The following SYT14 variants were observed in gnomAD, a reference collection of about 807,000 sequenced individuals.
SYT14 encodes the protein synaptotagmin-14.
Under a neutral mutation model 74.2 loss-of-function variants are expected in SYT14, and 32 were observed. The observed-to-expected ratio is 0.43, with a 90% CI of 0.33 to 0.58. SYT14 has a LOEUF of 0.58. SYT14 is among the 20% of genes least tolerant of loss of function. The pLI is 0.05. For synonymous variants in SYT14, 298 were observed against 337.7 expected (o/e 0.88, Z 1.29); for missense variants, 791 against 981.8 (o/e 0.81, Z 2.60).
intron 5 of SYT14, among the ~76,000 whole-genome samples, chr1:210,072,596 T>G (rs2081415443): frequency 1.3e-5 from 2 of 152,028 alleles, no homozygotes. Context: ...GGAGTACACA[T>G]TCATAAAAGA....
chr1:209,986,775 C>T (rs1347230444), intron 2 of SYT14, among the ~76,000 whole-genome samples: 5 of 152,118 alleles, frequency 3.3e-5, no homozygotes, highest in Non-Finnish European at 5.9e-5. Context: ...AGGCATGCGC[C>T]ACCATGCCCG....
rs185110839 is a variant in SYT14, at chr1:210,054,943, A to G, written c.1312+33689A>G. Reference sequence around the variant, plus strand: ...TCCTTAATTGGATTCTTGGGTGCCTATTATAGAGGACACAGTTTGGGGTGG... The same window carrying G: ...TCCTTAATTGGATTCTTGGGTGCCTGTTATAGAGGACACAGTTTGGGGTGG... On this transcript the variant is annotated intron_variant, in intron 5 of 9. Transcript: ENST00000637265. 2.1e-3 allele frequency among the ~76,000 whole-genome samples: 324 copies of G among 152,198 alleles called. 7 individuals are homozygous for G. The highest frequency in any genetic ancestry group is 0.015 in the East Asian group (80 of 5,178).
intron 5 of SYT14, among the ~76,000 whole-genome samples, chr1:210,021,935 G>A (rs548455179): frequency 2.0e-4 from 30 of 152,108 alleles, no homozygotes; most frequent in African/African-American, 6.3e-4. Context: ...ATGTTTTTAC[G>A]TCTTTCTGTG....
At chr1:209,948,331 CACAA>C (rs1230907807) in intron 1 of SYT14, among the ~76,000 whole-genome samples, 4 of 152,198 alleles carry the variant, frequency 2.6e-5, no homozygotes, top group Non-Finnish European at 5.9e-5. Flanking sequence ...TATATTCATA[CACAA>C]ACACACATGC....
chr1:210,100,016 T>A (rs1311650538), exon 7 of SYT14: 3 of 1,613,872 alleles, frequency 1.9e-6, no homozygotes, highest in Non-Finnish European at 2.5e-6. Flanking sequence ...TCTTAGGATA[T>A]GTCAGCTCAA....
chr1:209,980,817 T>C (rs1187836425), intron 2 of SYT14, among the ~76,000 whole-genome samples: 3 of 152,192 alleles, frequency 2.0e-5, no homozygotes, highest in South Asian at 4.1e-4. Context: ...TGTCTGTTCT[T>C]GTACCAGTAC....
At chr1:209,992,369 T>G (rs2079706189) in intron 2 of SYT14, among the ~76,000 whole-genome samples, 2 of 152,186 alleles carry the variant, frequency 1.3e-5, no homozygotes, top group Admixed American at 6.5e-5. Flanking sequence ...AATGAAATCT[T>G]GTCTTTTGCA....
At chr1:210,160,803 G>A (rs1485948974) in exon 10 of SYT14, 1 of 1,613,860 alleles carries the variant, frequency 6.2e-7, no homozygotes, top group Non-Finnish European at 8.5e-7. Context: ...CATCCGCAGA[G>A]GGCAGCCAAA....
At position 210,042,912 on chromosome 1, in the gene SYT14, G is replaced by C. The variant is rs376523526; in HGVS notation, c.1312+21658G>C. The stretch of plus-strand genomic sequence containing the variant: ...AAGAAAGTCAATGATAGCGTGATGA[G>C]GATAGCATTGAATCTATCAATTACT... On this transcript the variant is annotated intron_variant, in intron 5 of 9. Transcript: ENST00000637265. 1.5e-4 allele frequency among the ~76,000 whole-genome samples: 23 copies of C among 152,258 alleles called. No homozygotes were observed. The East Asian group carries it at 3.1e-3, about 20-fold the overall frequency.
Position 210,077,581 on chromosome 1 carries a change from T to C in SYT14, c.1313-16741T>C, listed in dbSNP as rs1006004769. On this transcript the variant is annotated intron_variant, in intron 5 of 9. Transcript: ENST00000637265. ...TACAAAAAATCGTTGTGTGGATACA[T>C]GTTTTTATCTCCTTTGAGTAAATAC... is the stretch of plus-strand genomic sequence containing the variant. Among the ~76,000 whole-genome samples, 5 of 152,224 alleles carry C rather than the reference T, an allele frequency of 3.3e-5. No individual in the cohort carries two copies. The East Asian group carries it at 9.6e-4, about 29-fold the overall frequency.
At chr1:210,132,104 G>A (rs1410095753) in intron 7 of SYT14, among the ~76,000 whole-genome samples, 2 of 151,940 alleles carry the variant, frequency 1.3e-5, no homozygotes, top group African/African-American at 4.8e-5. Context: ...GAAGGTTCTG[G>A]CAGCCCATTC....
intron 5 of SYT14, among the ~76,000 whole-genome samples, chr1:210,093,735 A>G (rs2081919249): frequency 6.6e-6 from 1 of 152,164 alleles, no homozygotes; most frequent in Non-Finnish European, 1.5e-5. Flanking sequence ...AGATTGATGG[A>G]TGTTCGCAAA....
At chr1:210,124,803 CACTGTGT>C (rs1319339949) in intron 7 of SYT14, among the ~76,000 whole-genome samples, 4 of 151,988 alleles carry the variant, frequency 2.6e-5, no homozygotes, top group Non-Finnish European at 4.4e-5. Context: ...ATCCCAAAGT[CACTGTGT>C]TACATTTGAT....
chr1:209,939,317 A>G (rs540878116), intron 1 of SYT14, among the ~76,000 whole-genome samples: 7 of 152,336 alleles, frequency 4.6e-5, no homozygotes, highest in South Asian at 2.1e-4. Flanking sequence ...TTATTTCTCT[A>G]CATTGAAAGT....
intron 5 of SYT14, among the ~76,000 whole-genome samples, chr1:210,032,585 TATG>T (rs1315634056): frequency 6.6e-6 from 1 of 151,812 alleles, no homozygotes. Flanking sequence ...CTTGTTTGTT[TATG>T]ATATTAACTC....
chr1:210,026,897 T>C (rs1252143863), intron 5 of SYT14, among the ~76,000 whole-genome samples: 1 of 152,128 alleles, frequency 6.6e-6, no homozygotes, highest in Non-Finnish European at 1.5e-5. Context: ...TACTAAAAAT[T>C]CTCTCTGTAT....
rs190481338 is a variant in SYT14 at position 209,955,430 on chromosome 1, A to G, written c.-486+2674A>G. On this transcript the variant is annotated intron_variant, in intron 2 of 9. Coordinates refer to ENST00000637265, the Ensembl canonical transcript of SYT14. The stretch of plus-strand genomic sequence containing the variant: ...GTATTTCCCCATTATTATTGTCCAC[A>G]TTTAATTTATTAGTAAGTTCAATCA... Among the ~76,000 whole-genome samples, 1,195 of 152,266 alleles carry G rather than the reference A, an allele frequency of 7.8e-3. 21 individuals carry two copies. Among genetic ancestry groups the G allele is most frequent in the African/African-American group, 0.027 (1,138 of 41,546 alleles).
At chr1:210,045,664 C>G (rs2080871427) in intron 5 of SYT14, among the ~76,000 whole-genome samples, 1 of 152,066 alleles carries the variant, frequency 6.6e-6, no homozygotes, top group South Asian at 2.1e-4. Context: ...CCTGTACTTT[C>G]ATTTAGAATA....
intron 5 of SYT14, among the ~76,000 whole-genome samples, chr1:210,051,342 CT>C (rs1352868181): frequency 6.6e-6 from 1 of 152,044 alleles, no homozygotes; most frequent in African/African-American, 2.4e-5. Flanking sequence ...TGCATTAATT[CT>C]TTTTTGTGGT....
Sources: allele counts gnomAD v4.1 joint callset (sites outside exome capture counted in the v4.1 genomes callset), GRCh38; gene constraint gnomAD v4.1.1; transcripts MANE v1.5; gene names NCBI Gene and HGNC (gene_info 2026-07-23, HGNC 2026-07-21).